Variants in ZFHX3 observed in about 807,000 individuals in gnomAD.
ZFHX3 encodes zinc finger homeobox 3, also known as zinc finger homeobox protein 3.
Under a neutral mutation model 279.1 loss-of-function variants are expected in ZFHX3, and 42 were observed. The observed-to-expected ratio is 0.15, with a 90% CI of 0.12 to 0.19. ZFHX3 has a LOEUF of 0.19. Among genes scored for constraint, ZFHX3 ranks in the 10% least tolerant of loss-of-function variants. The pLI is 1.00. For synonymous variants in ZFHX3, 2,293 were observed against 1,957.8 expected, an observed-to-expected ratio of 1.17 and a Z score of -4.52; for missense variants, 4,981 against 4,754.0, an observed-to-expected ratio of 1.05 and a Z score of -1.40.
intron 1 of ZFHX3, among the ~76,000 whole-genome samples, chr16:72,991,435 C>G (rs1330572425): frequency 5.3e-5 from 8 of 152,124 alleles, no homozygotes; most frequent in Non-Finnish European, 1.2e-4. Flanking sequence ...GGCATCCCAG[C>G]GCAGAGGCCA....
chr16:72,960,071 A>G lies in ZFHX3; in HGVS notation c.75T>C (p.Thr25=). 6.2e-7 allele frequency: 1 copy of G among 1,613,764 alleles called. No individual in the cohort carries two copies. The highest frequency in any genetic ancestry group is 8.5e-7 in the Non-Finnish European group (1 of 1,179,870). The change falls in exon 2 of 10, where the codon ACT becomes ACC. Residue 25 remains threonine, a synonymous_variant. Transcript: ENST00000268489. ...CAGGGAGGTGGGTGCTGTTGAGTTC[A>G]GTCCATTGCTGGTGCTGAGGGATAC... The part of the protein sequence containing the change: ...GCGIPQHQQW[T]ELNSTHLPDK...
chr16:73,598,432 T>C (rs2052075527), intron 2 of ZFHX3, among the ~76,000 whole-genome samples: 1 of 151,920 alleles, frequency 6.6e-6, no homozygotes, highest in Non-Finnish European at 1.5e-5. Flanking sequence ...TCTTTTTTTT[T>C]TTTTTGACAG....
At chr16:73,296,426 C>A (rs1306819081) in intron 4 of ZFHX3, among the ~76,000 whole-genome samples, 1 of 152,166 alleles carries the variant, frequency 6.6e-6, no homozygotes, top group African/African-American at 2.4e-5. Context: ...TTCCAGGCCT[C>A]ACTCTGGAAA....
intron 4 of ZFHX3, among the ~76,000 whole-genome samples, chr16:72,878,628 A>T (rs1567560991): frequency 6.6e-6 from 1 of 152,216 alleles, no homozygotes; most frequent in Non-Finnish European, 1.5e-5. Context: ...TCTATCCTGG[A>T]GAGAATCCAG....
At chr16:72,980,932 C>T (rs1297486742) in intron 1 of ZFHX3, among the ~76,000 whole-genome samples, 1 of 152,128 alleles carries the variant, frequency 6.6e-6, no homozygotes, top group Non-Finnish European at 1.5e-5. Context: ...TTATATCATT[C>T]TTTCTACTTT....
At position 72,796,802 on chromosome 16, in the gene ZFHX3, A is replaced by G. The variant is rs1233010121; in HGVS notation, c.5880T>C (p.Tyr1960=). 2 of 1,612,852 alleles carry G rather than the reference A, an allele frequency of 1.2e-6. No individual in the cohort carries two copies. Among genetic ancestry groups the G allele is most frequent in the Non-Finnish European group, 1.7e-6 (2 of 1,179,816 alleles). Residue 1960 remains tyrosine (Y), a synonymous_variant, in exon 9 of 10, where the codon TAT becomes TAC. Transcript: ENST00000268489. Reference sequence around the variant, plus strand: ...TCTGCACCTTCTGCTTGTTCTCATTATACTGGATGACCAACTCAAAGCCAA... The same window carrying G: ...TCTGCACCTTCTGCTTGTTCTCATTGTACTGGATGACCAACTCAAAGCCAA... ...ENFGFELVIQ[Y]NENKQKVQKK...
chr16:73,301,294 A>G (rs1209027274), intron 4 of ZFHX3, among the ~76,000 whole-genome samples: 1 of 152,174 alleles, frequency 6.6e-6, no homozygotes, highest in African/African-American at 2.4e-5. Flanking sequence ...TTTCTGGCGG[A>G]AGAAGGAAGG....
intron 1 of ZFHX3, among the ~76,000 whole-genome samples, chr16:73,805,477 A>G (rs1235649283): frequency 6.6e-6 from 1 of 152,128 alleles, no homozygotes; most frequent in Non-Finnish European, 1.5e-5. Flanking sequence ...CCATTCTGGT[A>G]TATTTTCACA....
At chr16:73,377,746 T>G (rs571353684) in intron 3 of ZFHX3, among the ~76,000 whole-genome samples, 1 of 151,742 alleles carries the variant, frequency 6.6e-6, no homozygotes, top group East Asian at 1.9e-4. Context: ...TTAAATATCT[T>G]ATACAGGCCA....
At chr16:73,479,077 C>G (rs2018819674) in intron 2 of ZFHX3, among the ~76,000 whole-genome samples, 1 of 152,014 alleles carries the variant, frequency 6.6e-6, no homozygotes, top group Non-Finnish European at 1.5e-5. Context: ...CAAAACCAGA[C>G]TCACCCCTCC....
At chr16:73,299,033 T>C (rs1304592040) in intron 4 of ZFHX3, among the ~76,000 whole-genome samples, 1 of 152,316 alleles carries the variant, frequency 6.6e-6, no homozygotes, top group South Asian at 2.1e-4. Context: ...TACTTTCTAA[T>C]GTCAAAAAGT....
chr16:73,215,367 A>C (rs773184483), intron 5 of ZFHX3, among the ~76,000 whole-genome samples: 14 of 152,180 alleles, frequency 9.2e-5, no homozygotes, highest in Non-Finnish European at 1.5e-4. Context: ...CATTACTCAA[A>C]AGAAAGGCTC....
At chr16:73,313,236 A>G (rs1392609943) in intron 4 of ZFHX3, among the ~76,000 whole-genome samples, 2 of 152,138 alleles carry the variant, frequency 1.3e-5, no homozygotes, top group African/African-American at 4.8e-5. Flanking sequence ...AGGCCTCCTA[A>G]CCATGCTTCC....
rs201619039 is a variant in ZFHX3, at chr16:72,788,478, C to A, written c.9798G>T (p.Thr3266=). 3.1e-6 allele frequency: 5 copies of A among 1,614,176 alleles called. No individual in the cohort carries two copies. The East Asian group carries it at 8.9e-5, about 29-fold the overall frequency. The change falls in exon 10 of 10, where the codon ACG becomes ACT. Residue 3266 remains threonine, a synonymous_variant. Coordinates refer to ENST00000268489, the MANE Select transcript of ZFHX3 (RefSeq NM_006885.4). ...VPKKEKGEAP[T]ATAATISAPL... ...GGGCTGAGATCGTGGCTGCAGTTGC[C>A]GTGGGGGCCTCTCCTTTCTCCTTCT...
At chr16:73,807,619 A>AGTTTTTTTT (rs1960314019) in intron 1 of ZFHX3, among the ~76,000 whole-genome samples, 1 of 93,702 alleles carries the variant, frequency 1.1e-5, no homozygotes, top group African/African-American at 5.9e-5. Flanking sequence ...ACCATGCCCC[A>AGTTTTTTTT]ATTTTTTTTT....
At chr16:73,247,810 G>C (rs1215781676) in intron 5 of ZFHX3, among the ~76,000 whole-genome samples, 4 of 152,080 alleles carry the variant, frequency 2.6e-5, no homozygotes, top group Non-Finnish European at 4.4e-5. Flanking sequence ...TGTATGTGGA[G>C]TGTGTGTGTT....
At chr16:72,990,291 A>G (rs1963032183) in intron 1 of ZFHX3, among the ~76,000 whole-genome samples, 2 of 152,174 alleles carry the variant, frequency 1.3e-5, no homozygotes, top group African/African-American at 2.4e-5. Flanking sequence ...TGGCCTGTAA[A>G]TGCCAGGGAA....
chr16:73,188,063 C>G (rs1186800656), intron 5 of ZFHX3, among the ~76,000 whole-genome samples: 1 of 152,120 alleles, frequency 6.6e-6, no homozygotes, highest in Admixed American at 6.6e-5. Flanking sequence ...GGGTTTCACT[C>G]TGTTAGCCAG....
At chr16:73,287,084 G>A (rs1327899876) in intron 4 of ZFHX3, among the ~76,000 whole-genome samples, 5 of 147,632 alleles carry the variant, frequency 3.4e-5, no homozygotes, top group African/African-American at 1.0e-4. Flanking sequence ...CTGTGTGGGT[G>A]TGTGGGTAAG....
Sources: allele counts gnomAD v4.1 joint callset (sites outside exome capture counted in the v4.1 genomes callset), GRCh38; gene constraint gnomAD v4.1.1; transcripts MANE v1.5; gene names NCBI Gene and HGNC (gene_info 2026-07-23, HGNC 2026-07-21).